G2E3: variants seen among roughly 807,000 people sequenced by gnomAD.
The protein encoded by G2E3 is G2/M-phase specific E3 ubiquitin protein ligase.
In G2E3, 35 loss-of-function variants were observed where a neutral mutation model predicts 92.8. The ratio of observed to expected loss-of-function variants is 0.38; its 90% CI spans 0.29 to 0.50. The LOEUF (loss-of-function observed/expected upper bound fraction) is 0.50. Ranked by LOEUF, G2E3 falls within the 20% of genes least tolerant of loss-of-function variation. G2E3 has a pLI of 0.94. For missense variants in G2E3, 554 were observed against 823.8 expected, an observed-to-expected ratio of 0.67 and a Z score of 4.01; for synonymous variants, 242 against 272.4, an observed-to-expected ratio of 0.89 and a Z score of 1.10.
chr14:30,577,053 C>T (rs1405510692), intron 1 of G2E3, among the ~76,000 whole-genome samples: 2 of 151,696 alleles, frequency 1.3e-5, no homozygotes, highest in Admixed American at 6.6e-5. Flanking sequence ...GGTGAAACCC[C>T]GTCTGTACTA....
intron 11 of G2E3, among the ~76,000 whole-genome samples, chr14:30,607,634 A>G (rs900099601): frequency 7.2e-5 from 11 of 152,184 alleles, no homozygotes; most frequent in Admixed American, 3.3e-4. Context: ...CTGTACACCA[A>G]AGTGTTCACA....
At chr14:30,594,844 G>A (rs1201216179) in intron 6 of G2E3, among the ~76,000 whole-genome samples, 2 of 150,510 alleles carry the variant, frequency 1.3e-5, no homozygotes, top group Non-Finnish European at 3.0e-5. Context: ...AGTGCAGGAT[G>A]AAGGCAGGGC....
intron 1 of G2E3, chr14:30,573,478 G>A (rs1879896437): frequency 6.6e-6 from 1 of 151,502 alleles, no homozygotes; most frequent in Admixed American, 6.6e-5. Flanking sequence ...GGGAAGGATT[G>A]ATTAATTTAT....
chr14:30,608,423 A>T lies in G2E3; in HGVS notation c.1500+354A>T, dbSNP rs116369999. Among the ~76,000 whole-genome samples, 557 of 152,276 alleles carry T rather than the reference A, an allele frequency of 3.7e-3. 7 individuals carry two copies. Among genetic ancestry groups the T allele is most frequent in the African/African-American group, 0.013 (527 of 41,548 alleles). ...CAAGCTAGAAAGCAGATGAAAGTGC[A>T]CTTTGATGGAGGCCGATGGGTCTGA... On this transcript the variant is annotated intron_variant, in intron 12 of 14. Coordinates refer to ENST00000206595, the MANE Select transcript of G2E3 (RefSeq NM_017769.5).
intron 6 of G2E3, among the ~76,000 whole-genome samples, chr14:30,594,162 A>C (rs1297954514): frequency 6.6e-6 from 1 of 152,182 alleles, no homozygotes; most frequent in African/African-American, 2.4e-5. Context: ...ACTACTTTTC[A>C]AGTAAATAGA....
rs1566553092 is a variant in G2E3, at chr14:30,612,335, A to C, written c.1629A>C (p.Ile543=). The C allele has an allele frequency of 6.2e-7, 1 of 1,608,500 alleles. No homozygotes were observed. The highest frequency in any genetic ancestry group is 8.5e-7 in the Non-Finnish European group (1 of 1,176,030). The change falls in exon 13 of 15, where the codon ATA becomes ATC. Residue 543 remains isoleucine (I), a synonymous_variant. Transcript: ENST00000206595. ...LSDKYMLVKD[I]LGYHVIQRVH... ...ATAAATATATGTTAGTAAAAGACATACTTGGCTACCATGTAATTCAGAGAG... is the reference window on the plus strand; with the variant it reads ...ATAAATATATGTTAGTAAAAGACATCCTTGGCTACCATGTAATTCAGAGAG...
chr14:30,572,631 C>T (rs958233882), intron 1 of G2E3, among the ~76,000 whole-genome samples: 1 of 151,960 alleles, frequency 6.6e-6, no homozygotes, highest in African/African-American at 2.4e-5. Context: ...TTTTTCACCC[C>T]TTATTGTATT....
intron 1 of G2E3, among the ~76,000 whole-genome samples, chr14:30,576,314 C>T (rs1292110589): frequency 6.6e-6 from 1 of 152,176 alleles, no homozygotes; most frequent in African/African-American, 2.4e-5. Flanking sequence ...TCTGGCTAGC[C>T]ATATGCAGAA....
At chr14:30,578,608 G>A (rs959068965) in intron 1 of G2E3, among the ~76,000 whole-genome samples, 2 of 152,142 alleles carry the variant, frequency 1.3e-5, no homozygotes, top group South Asian at 2.1e-4. Flanking sequence ...TAGGTTGGAT[G>A]ACAGTGTAAA....
At chr14:30,586,413 C>G (rs1375983317) in intron 2 of G2E3, among the ~76,000 whole-genome samples, 2 of 152,172 alleles carry the variant, frequency 1.3e-5, no homozygotes, top group Admixed American at 1.3e-4. Flanking sequence ...AAAATTAATT[C>G]TAACAGTTTT....
At chr14:30,562,964 C>T (rs1046486834) in intron 1 of G2E3, among the ~76,000 whole-genome samples, 28 of 152,138 alleles carry the variant, frequency 1.8e-4, no homozygotes, top group Non-Finnish European at 8.8e-5. Context: ...TGTCTTGTAT[C>T]CAATAAATAT....
At chr14:30,592,479 C>T (rs758291674) in intron 5 of G2E3, 32 bp downstream of exon 5, 10 of 1,505,374 alleles carry the variant, frequency 6.6e-6, no homozygotes, top group Non-Finnish European at 9.0e-6. Context: ...TATGAAAGTT[C>T]AGTGTTAAAG....
intron 6 of G2E3, among the ~76,000 whole-genome samples, chr14:30,593,933 A>G (rs549464554): frequency 1.3e-5 from 2 of 152,338 alleles, no homozygotes; most frequent in South Asian, 4.1e-4. Context: ...TGAATAAACT[A>G]GATTTTAATT....
rs748903245 is a variant in G2E3, at chr14:30,593,517, AATAATT to A, written c.410_415del (p.Asn137_Tyr138del). The stretch of plus-strand genomic sequence containing the variant: ...TCGACCTGTTCAAATAATTACATCT[AATAATT>A]ATAGAGAGTCCTTACCATGCACCAT... On this transcript the variant is annotated inframe_deletion, in exon 6 of 15. Coordinates refer to ENST00000206595, the MANE Select transcript of G2E3 (RefSeq NM_017769.5). 1.3e-6 allele frequency: 2 copies of A among 1,550,594 alleles called. No homozygotes were observed. The highest frequency in any genetic ancestry group is 2.7e-5 in the African/African-American group (2 of 73,700).
rs560920845 is a variant in G2E3, at chr14:30,574,129, T to C, written c.-4-6947T>C. ...CTTTATCATCCTGCAGTATTGTACA[T>C]TTGCATGTAACTTCCCTTTTCTGAA... On this transcript the variant is annotated intron_variant, in intron 1 of 14. Coordinates refer to ENST00000206595, the MANE Select transcript of G2E3 (RefSeq NM_017769.5). 2.0e-5 allele frequency among the ~76,000 whole-genome samples: 3 copies of C among 152,326 alleles called. No homozygotes were observed. In the South Asian group the frequency reaches 6.2e-4, roughly 32 times the overall value.
chr14:30,601,697 C>T (rs1881575416), intron 8 of G2E3, 73 bp from the exon 9 acceptor site: 1 of 1,448,284 alleles, frequency 6.9e-7, no homozygotes. Flanking sequence ...GAAGGCAGGC[C>T]CTGTGGACAT....
At position 30,618,897 on chromosome 14, in the gene G2E3, A is replaced by C. The variant is rs1413253687; in HGVS notation, c.*2363A>C. The C allele has an allele frequency of 1.3e-5, 2 of 152,082 alleles. No homozygotes were observed. Among genetic ancestry groups the C allele is most frequent in the African/African-American group, 4.8e-5 (2 of 41,452 alleles). The allele number at this position is 152,082 out of a possible 1,614,324, so 9.4% of individuals were successfully genotyped here. A position where few individuals can be genotyped will look rare whatever the true frequency, so the allele number is the denominator to read the frequency against. On this transcript the variant is annotated 3_prime_UTR_variant, in exon 15 of 15. Coordinates refer to ENST00000206595, the MANE Select transcript of G2E3 (RefSeq NM_017769.5). ...AAAAAGAATTATGCTATAAATCTTTATAAATGTGTACATATATTTCTTAAA... is the reference window on the plus strand; with the variant it reads ...AAAAAGAATTATGCTATAAATCTTTCTAAATGTGTACATATATTTCTTAAA...
At chr14:30,591,205 G>A (rs768016189) in intron 4 of G2E3, among the ~76,000 whole-genome samples, 4 of 152,092 alleles carry the variant, frequency 2.6e-5, no homozygotes, top group Non-Finnish European at 4.4e-5. Context: ...GAGAGTTTCG[G>A]GTTGGCAGGT....
At chr14:30,615,603 G>T in intron 14 of G2E3, 64 bp downstream of exon 14, 1 of 1,043,848 alleles carries the variant, frequency 9.6e-7, no homozygotes, top group African/African-American at 1.6e-5. Context: ...TATTTGTTGG[G>T]GGTTTTATTT....
Sources: gnomAD v4.1 joint callset for allele counts (sites outside exome capture counted in the v4.1 genomes callset) on GRCh38, gnomAD v4.1.1 for gene constraint, MANE v1.5 for transcripts, NCBI Gene and HGNC (gene_info 2026-07-23, HGNC 2026-07-21) for gene names.